The following MARCHF1 variants were observed in gnomAD, a reference collection of about 807,000 sequenced individuals.
MARCHF1 encodes the protein membrane associated ring-CH-type finger 1.
A neutral mutation model predicts 54.2 loss-of-function variants in MARCHF1; 40 were observed. The ratio of observed to expected loss-of-function variants is 0.74; its 90% CI spans 0.57 to 0.96. The LOEUF is 0.96. Ranked by LOEUF, MARCHF1 falls within the 40% of genes least tolerant of loss-of-function variation. MARCHF1 has a pLI of 0.00. For missense variants in MARCHF1, 586 were observed against 656.5 expected, an observed-to-expected ratio of 0.89 and a Z score of 1.17; for synonymous variants, 236 against 236.3, an observed-to-expected ratio of 1.00 and a Z score of 0.01.
At chr4:164,250,685 G>C (rs1733099413) in intron 1 of MARCHF1, among the ~76,000 whole-genome samples, 1 of 151,910 alleles carries the variant, frequency 6.6e-6, no homozygotes, top group Admixed American at 6.6e-5. Flanking sequence ...TGATAAATTT[G>C]AGCTTGGATC....
At chr4:163,585,610 C>A in intron 8 of MARCHF1, 139 bp downstream of exon 8, 2 of 548,116 alleles carry the variant, frequency 3.6e-6, no homozygotes, top group South Asian at 4.8e-5. Flanking sequence ...AAATTTTGTG[C>A]ACTGAGCTCA....
chr4:163,697,244 C>T (rs957537192), intron 5 of MARCHF1, among the ~76,000 whole-genome samples: 1 of 152,140 alleles, frequency 6.6e-6, no homozygotes, highest in African/African-American at 2.4e-5. Flanking sequence ...CAGACTCCCA[C>T]AAGGAAGGCA....
chr4:164,197,026 C>G, intron 1 of MARCHF1: 3 of 1,605,414 alleles, frequency 1.9e-6, no homozygotes, highest in Non-Finnish European at 2.6e-6. Flanking sequence ...CTTCTGACCC[C>G]TTTCTTCTTC....
chr4:164,302,346 AT>A (rs1734582879), intron 1 of MARCHF1, among the ~76,000 whole-genome samples: 1 of 152,188 alleles, frequency 6.6e-6, no homozygotes, highest in South Asian at 2.1e-4. Context: ...GACAAGTAAA[AT>A]TTATAAGTGG....
intron 4 of MARCHF1, among the ~76,000 whole-genome samples, chr4:163,763,835 TAAGTA>T (rs960294610): frequency 1.3e-5 from 2 of 152,052 alleles, no homozygotes; most frequent in South Asian, 4.1e-4. Flanking sequence ...TAGTGTGTAT[TAAGTA>T]AATAGGTAAA....
chr4:163,913,025 T>C (rs34613419), intron 3 of MARCHF1, among the ~76,000 whole-genome samples: 23,636 of 152,226 alleles, frequency 0.16, 2,392 homozygotes, highest in South Asian at 0.27. Context: ...TTTGCAGTCA[T>C]ATATATTTTC....
At chr4:163,828,546 C>T (rs1193195042) in intron 4 of MARCHF1, among the ~76,000 whole-genome samples, 7 of 151,830 alleles carry the variant, frequency 4.6e-5, no homozygotes, top group East Asian at 3.9e-4. Flanking sequence ...GAGTTCTTTT[C>T]GGAAAGTAAG....
intron 2 of MARCHF1, among the ~76,000 whole-genome samples, chr4:164,110,333 C>A: frequency 6.6e-6 from 1 of 151,598 alleles, no homozygotes; most frequent in East Asian, 1.9e-4. Context: ...TTTTGTAAAT[C>A]TCTTATATAA....
At chr4:164,211,622 C>A (rs1731776996) in intron 1 of MARCHF1, among the ~76,000 whole-genome samples, 1 of 151,910 alleles carries the variant, frequency 6.6e-6, no homozygotes, top group Non-Finnish European at 1.5e-5. Context: ...CAAGGCATAT[C>A]CTGGGTACTA....
intron 7 of MARCHF1, among the ~76,000 whole-genome samples, chr4:163,597,067 T>C (rs756044937): frequency 1.3e-5 from 2 of 152,172 alleles, no homozygotes; most frequent in Non-Finnish European, 2.9e-5. Flanking sequence ...AGGATTCTCC[T>C]GTCTCAGTTT....
chr4:163,737,160 CTTTCTTTTTT>C (rs1448017218), intron 4 of MARCHF1, among the ~76,000 whole-genome samples: 2 of 41,018 alleles, frequency 4.9e-5, no homozygotes, highest in African/African-American at 1.2e-4. Flanking sequence ...CAGCTTTTTT[CTTTCTTTTTT>C]TTTTTTTTTT....
chr4:163,909,575 G>T (rs1471155042), intron 3 of MARCHF1, among the ~76,000 whole-genome samples: 2 of 152,154 alleles, frequency 1.3e-5, no homozygotes, highest in Non-Finnish European at 2.9e-5. Flanking sequence ...ATAGCACAAT[G>T]CTAAATCTCA....
At chr4:163,631,459 C>A (rs1742078014) in intron 5 of MARCHF1, among the ~76,000 whole-genome samples, 1 of 152,202 alleles carries the variant, frequency 6.6e-6, no homozygotes, top group African/African-American at 2.4e-5. Flanking sequence ...TCCCAAAGTG[C>A]TGGCATTACA....
intron 3 of MARCHF1, among the ~76,000 whole-genome samples, chr4:163,877,666 T>C (rs1454672503): frequency 6.6e-6 from 1 of 152,168 alleles, no homozygotes; most frequent in Non-Finnish European, 1.5e-5. Flanking sequence ...CTTTCTTCTC[T>C]GCATCTTGCT....
intron 3 of MARCHF1, among the ~76,000 whole-genome samples, chr4:163,918,086 G>A (rs1486884795): frequency 6.6e-6 from 1 of 152,056 alleles, no homozygotes; most frequent in African/African-American, 2.4e-5. Flanking sequence ...TGTAAGGAAG[G>A]GGTCCACTTT....
At chr4:163,996,082 T>A (rs537375078) in intron 2 of MARCHF1, among the ~76,000 whole-genome samples, 1 of 152,138 alleles carries the variant, frequency 6.6e-6, no homozygotes, top group East Asian at 1.9e-4. Flanking sequence ...AGATCCAATT[T>A]TTTTATTACT....
intron 1 of MARCHF1, among the ~76,000 whole-genome samples, chr4:164,325,684 G>C (rs976997909): frequency 6.6e-6 from 1 of 151,732 alleles, no homozygotes; most frequent in Non-Finnish European, 1.5e-5. Context: ...AGCCAAGATC[G>C]CCACTGTACT....
chr4:163,781,399 A>C (rs1016374106), intron 4 of MARCHF1, among the ~76,000 whole-genome samples: 2 of 152,172 alleles, frequency 1.3e-5, no homozygotes, highest in Non-Finnish European at 2.9e-5. Flanking sequence ...TCAGGCTTGG[A>C]GCCAGATACG....
At chr4:163,968,630 G>A (rs1752489210) in intron 3 of MARCHF1, among the ~76,000 whole-genome samples, 1 of 152,024 alleles carries the variant, frequency 6.6e-6, no homozygotes, top group Admixed American at 6.6e-5. Context: ...AACACTTTCT[G>A]CTTTCCTATG....
Sources: allele counts gnomAD v4.1 joint callset (sites outside exome capture counted in the v4.1 genomes callset), GRCh38; gene constraint gnomAD v4.1.1; transcripts MANE v1.5; gene names NCBI Gene and HGNC (gene_info 2026-07-23, HGNC 2026-07-21).